The following BCAR3 variants were observed in gnomAD, a reference collection of about 807,000 sequenced individuals.
BCAR3 encodes the protein breast cancer anti-estrogen resistance protein 3.
A neutral mutation model predicts 80.1 loss-of-function variants in BCAR3; 37 were observed. That is an observed-to-expected ratio of 0.46 (90% CI 0.36 to 0.61). The LOEUF (loss-of-function observed/expected upper bound fraction) is 0.61. Ranked by LOEUF, BCAR3 falls within the 20% of genes least tolerant of loss-of-function variation. The pLI is 0.00. For missense variants in BCAR3, 978 were observed against 1,068.2 expected (o/e 0.92, Z 1.18); for synonymous variants, 389 against 418.9 (o/e 0.93, Z 0.87).
At chr1:93,671,501 G>C (rs1371219771) in intron 2 of BCAR3, among the ~76,000 whole-genome samples, 1 of 152,066 alleles carries the variant, frequency 6.6e-6, no homozygotes, top group Non-Finnish European at 1.5e-5. Flanking sequence ...GAGATGCAAT[G>C]TTTTCAGAGC....
At chr1:93,846,837 G>T in intron 1 of BCAR3, 1 of 473,678 alleles carries the variant, frequency 2.1e-6, no homozygotes, top group Non-Finnish European at 4.3e-6. Flanking sequence ...CGCGGGGCGC[G>T]TCGCCCCCCT....
rs771595802 is a variant in BCAR3, at chr1:93,567,464, A to G, written c.2114T>C (p.Val705Ala). 2 of 1,614,230 alleles carry G rather than the reference A, an allele frequency of 1.2e-6. No homozygotes were observed. Among genetic ancestry groups the G allele is most frequent in the South Asian group, 2.2e-5 (2 of 91,088 alleles). Residue 705 changes from valine (V) to alanine (A), a missense_variant, in exon 11 of 12, where the codon GTA (valine) becomes GCA (alanine). Val to Ala is a moderately conservative substitution (Grantham distance 64, BLOSUM62 0). Transcript: ENST00000260502. ...AAGCGGCATCAGCAGTGGGACTGAT[A>G]CATTGTTTGGGGGAACACATGTGGA... ...RESTCVPPNN[V>A]SVPLLMPLVT...
intron 2 of BCAR3, among the ~76,000 whole-genome samples, chr1:93,824,667 T>C (rs1196784123): frequency 8.5e-6 from 1 of 116,992 alleles, no homozygotes; most frequent in Non-Finnish European, 1.8e-5. Context: ...GGCCCTCTCT[T>C]CCTCCTACTC....
At chr1:93,625,035 C>G (rs1196226974) in intron 3 of BCAR3, among the ~76,000 whole-genome samples, 1 of 152,138 alleles carries the variant, frequency 6.6e-6, no homozygotes, top group African/African-American at 2.4e-5. Flanking sequence ...ATGGTGAAAC[C>G]CCACCTCTAC....
chr1:93,773,167 C>T (rs1051482289), intron 2 of BCAR3, among the ~76,000 whole-genome samples: 2 of 152,202 alleles, frequency 1.3e-5, no homozygotes, highest in Non-Finnish European at 2.9e-5. Flanking sequence ...GTCCCTTTCT[C>T]ATGTTTCCTC....
At chr1:93,779,517 T>C (rs1216732441) in intron 2 of BCAR3, among the ~76,000 whole-genome samples, 2 of 152,152 alleles carry the variant, frequency 1.3e-5, no homozygotes, top group Non-Finnish European at 1.5e-5. Context: ...TGAGTAGGGC[T>C]ATTTGGGTAT....
At chr1:93,569,875 G>A (rs1029690321) in intron 9 of BCAR3, among the ~76,000 whole-genome samples, 4 of 152,194 alleles carry the variant, frequency 2.6e-5, no homozygotes, top group African/African-American at 9.7e-5. Flanking sequence ...CAGTCTCAGG[G>A]GAAGCTCTGG....
At position 93,674,508 on chromosome 1, in the gene BCAR3, C is replaced by T; in HGVS notation, c.317+106G>A. The T allele has an allele frequency of 2.4e-6, 3 of 1,268,574 alleles. No individual in the cohort carries two copies. In the South Asian group the frequency reaches 4.2e-5, roughly 18 times the overall value. 78.6% of individuals were successfully genotyped at this position (1,268,574 alleles called of 1,614,324 possible). Reference sequence around the variant, plus strand: ...CTCATGATCCACCCATCTCAGCCTCCCAAAGTGCTGGGATTACAGGTGTGA... The same window carrying T: ...CTCATGATCCACCCATCTCAGCCTCTCAAAGTGCTGGGATTACAGGTGTGA... On this transcript the variant is annotated intron_variant, in intron 2 of 11. Transcript: ENST00000260502.
chr1:93,818,577 C>T (rs1654096824), intron 2 of BCAR3, among the ~76,000 whole-genome samples: 1 of 152,196 alleles, frequency 6.6e-6, no homozygotes, highest in African/African-American at 2.4e-5. Context: ...GAGCCTGTTT[C>T]CTCACCTGTA....
At position 93,602,194 on chromosome 1, in the gene BCAR3, C is replaced by T. The variant is rs555895108; in HGVS notation, c.358-9801G>A. ...GTGGCGCATTCATAGCTCAAGTGAT[C>T]CTCCCGCCTCAGCCTCCCAGGTAGC... is the stretch of plus-strand genomic sequence containing the variant. On this transcript the variant is annotated intron_variant, in intron 3 of 11. Transcript: ENST00000260502. 4 of 151,966 alleles carry T rather than the reference C, an allele frequency of 2.6e-5. No individual in the cohort carries two copies. The South Asian group carries it at 6.2e-4, about 24-fold the overall frequency. 9.4% of individuals were successfully genotyped at this position (151,966 alleles called of 1,614,324 possible).
At chr1:93,805,517 T>A (rs1653627429) in intron 2 of BCAR3, among the ~76,000 whole-genome samples, 1 of 152,226 alleles carries the variant, frequency 6.6e-6, no homozygotes, top group Admixed American at 6.5e-5. Context: ...ATAGACTGCC[T>A]GTGGAGAACT....
intron 3 of BCAR3, among the ~76,000 whole-genome samples, chr1:93,630,005 A>T (rs966234192): frequency 2.6e-5 from 4 of 152,228 alleles, no homozygotes; most frequent in African/African-American, 4.8e-5. Flanking sequence ...GCTTTGCAAA[A>T]TATAAAATTT....
chr1:93,590,969 T>C (rs575391561), intron 4 of BCAR3, among the ~76,000 whole-genome samples: 2 of 152,248 alleles, frequency 1.3e-5, no homozygotes, highest in Admixed American at 6.5e-5. Context: ...TCATACTTGA[T>C]TTCAAAAAGC....
chr1:93,571,493 CAAAAA>C (rs1557836546), intron 9 of BCAR3, 172 bp downstream of exon 9: 2 of 762,538 alleles, frequency 2.6e-6, no homozygotes, highest in Admixed American at 2.8e-5. Context: ...GATTCTGTCT[CAAAAA>C]AGAAAAAAAA....
chr1:93,662,277 C>T (rs2101932300), intron 2 of BCAR3, among the ~76,000 whole-genome samples: 1 of 152,318 alleles, frequency 6.6e-6, no homozygotes, highest in Admixed American at 6.5e-5. Context: ...TAGCATGCTG[C>T]TGACTCATTC....
At chr1:93,813,099 C>T (rs1161852213) in intron 2 of BCAR3, among the ~76,000 whole-genome samples, 1 of 152,146 alleles carries the variant, frequency 6.6e-6, no homozygotes, top group East Asian at 1.9e-4. Flanking sequence ...TTCTCCTTCT[C>T]TGTATTTCAC....
chr1:93,773,552 T>C (rs1652434036), intron 2 of BCAR3, among the ~76,000 whole-genome samples: 1 of 152,202 alleles, frequency 6.6e-6, no homozygotes, highest in Admixed American at 6.5e-5. Context: ...TTTATTTCCA[T>C]AGCCCCATGA....
At chr1:93,780,431 C>T (rs1382018052) in intron 2 of BCAR3, among the ~76,000 whole-genome samples, 6 of 152,198 alleles carry the variant, frequency 3.9e-5, no homozygotes, top group African/African-American at 9.7e-5. Context: ...TCTTCTGTCA[C>T]ATTTCCTTGG....
chr1:93,683,148 G>A (rs1295954797), upstream of BCAR3, among the ~76,000 whole-genome samples: 2 of 152,084 alleles, frequency 1.3e-5, no homozygotes, highest in South Asian at 2.1e-4. Flanking sequence ...GCCAGAATAA[G>A]GCAGAAAATC....
Sources: gnomAD v4.1 joint callset for allele counts (sites outside exome capture counted in the v4.1 genomes callset) on GRCh38, gnomAD v4.1.1 for gene constraint, MANE v1.5 for transcripts, NCBI Gene and HGNC (gene_info 2026-07-23, HGNC 2026-07-21) for gene names.